Variants in CTNND2 observed in about 807,000 individuals in gnomAD.
The protein encoded by CTNND2 is catenin delta 2.
CTNND2 carries 22 observed loss-of-function variants against 144.4 expected under a neutral mutation model. The observed-to-expected ratio is 0.15, with a 90% CI of 0.11 to 0.22. The LOEUF (loss-of-function observed/expected upper bound fraction) is 0.22, where lower values mean the gene tolerates loss of function less well. Among genes scored for constraint, CTNND2 ranks in the 10% least tolerant of loss-of-function variants. The probability of loss-of-function intolerance (pLI) is 1.00; values close to 1 mark genes in which losing one functional copy is unlikely to be tolerated. For synonymous variants in CTNND2, 751 were observed against 695.6 expected, an observed-to-expected ratio of 1.08 and a Z score of -1.25; for missense variants, 1,353 against 1,618.8, an observed-to-expected ratio of 0.84 and a Z score of 2.82.
At position 11,558,395 on chromosome 5, in the gene CTNND2, T is replaced by G. The variant is rs750123611; in HGVS notation, c.287+6549A>C. On this transcript the variant is annotated intron_variant, in intron 3 of 21. Coordinates refer to ENST00000304623, the MANE Select transcript of CTNND2 (RefSeq NM_001332.4). ...GTGTGTGTGTGTGACACACAAGGTC[T>G]CACTCTGTTGCCCAGGCTGGAGTGC... 2.6e-4 allele frequency among the ~76,000 whole-genome samples: 39 copies of G among 147,930 alleles called. 1 individual carries two copies. Among genetic ancestry groups the G allele is most frequent in the Non-Finnish European group, 5.1e-4 (34 of 66,700 alleles).
At chr5:11,814,575 C>T (rs542417461) in intron 1 of CTNND2, among the ~76,000 whole-genome samples, 235 of 152,350 alleles carry the variant, frequency 1.5e-3, no homozygotes, top group African/African-American at 5.4e-3. Flanking sequence ...GTGAGTGGCT[C>T]CTGGCCAGCT....
At chr5:11,707,579 G>A in intron 2 of CTNND2, among the ~76,000 whole-genome samples, 1 of 152,164 alleles carries the variant, frequency 6.6e-6, no homozygotes, top group East Asian at 1.9e-4. Context: ...TAGGTGATGA[G>A]TGACAGTCCA....
At chr5:11,889,588 C>T (rs757383613) in intron 1 of CTNND2, among the ~76,000 whole-genome samples, 6 of 152,118 alleles carry the variant, frequency 3.9e-5, no homozygotes, top group Non-Finnish European at 5.9e-5. Flanking sequence ...AAAGGCACAG[C>T]TAATTTAAAT....
chr5:11,311,912 A>G (rs1174414837), intron 9 of CTNND2, among the ~76,000 whole-genome samples: 1 of 86,496 alleles, frequency 1.2e-5, no homozygotes, highest in Non-Finnish European at 2.6e-5. Flanking sequence ...CACACACTCC[A>G]CATACATCCT....
At position 10,980,755 on chromosome 5, in the gene CTNND2, T is replaced by C. The variant is rs552956031; in HGVS notation, c.3417+1018A>G. ...TGAGTTCATGTCCTTTGCAGGGACA[T>C]GGATGAAGCTGGAAACATCATTCTC... On this transcript the variant is annotated intron_variant, in intron 21 of 21. Transcript: ENST00000304623. 8.5e-4 allele frequency among the ~76,000 whole-genome samples: 130 copies of C among 152,244 alleles called. 1 individual carries two copies. Among genetic ancestry groups the C allele is most frequent in the African/African-American group, 3.1e-3 (127 of 41,522 alleles).
chr5:11,587,754 C>T (rs1778969061), intron 2 of CTNND2, among the ~76,000 whole-genome samples: 1 of 152,004 alleles, frequency 6.6e-6, no homozygotes, highest in South Asian at 2.1e-4. Flanking sequence ...TTTATAAATA[C>T]TAAAGAATCT....
intron 2 of CTNND2, among the ~76,000 whole-genome samples, chr5:11,680,429 A>C (rs1315031876): frequency 3.9e-5 from 6 of 152,094 alleles, no homozygotes; most frequent in Non-Finnish European, 8.8e-5. Context: ...TGACACATTT[A>C]GTGGAAAGAG....
In CTNND2 at chr5:11,061,336, A is replaced by G. The variant is rs147200612; in HGVS notation, c.2788+21360T>C. Among the ~76,000 whole-genome samples the G allele has an allele frequency of 6.3e-3, 967 of 152,316 alleles. 4 individuals carry two copies. The highest frequency in any genetic ancestry group is 0.027 in the South Asian group (131 of 4,812). ...CAACCAGCAGCCGGAGAGGACTTTT[A>G]GTAATAAACATCTGATCATGCTTTC... is the stretch of plus-strand genomic sequence containing the variant. On this transcript the variant is annotated intron_variant, in intron 16 of 21. Coordinates refer to ENST00000304623, the MANE Select transcript of CTNND2 (RefSeq NM_001332.4).
chr5:11,826,279 A>C (rs1431737578), intron 1 of CTNND2, among the ~76,000 whole-genome samples: 1 of 152,062 alleles, frequency 6.6e-6, no homozygotes, highest in Non-Finnish European at 1.5e-5. Context: ...TATAATTTGC[A>C]GTAGACATAG....
At chr5:11,499,186 C>A (rs1028133444) in intron 3 of CTNND2, among the ~76,000 whole-genome samples, 1 of 151,892 alleles carries the variant, frequency 6.6e-6, no homozygotes, top group East Asian at 1.9e-4. Flanking sequence ...AACTACCTGG[C>A]CAGAAAAAAT....
At chr5:11,730,979 CT>C (rs1448624397) in intron 2 of CTNND2, among the ~76,000 whole-genome samples, 3 of 152,242 alleles carry the variant, frequency 2.0e-5, no homozygotes, top group Non-Finnish European at 4.4e-5. Flanking sequence ...TTGGTGGTCC[CT>C]TTTTCCATTT....
intron 2 of CTNND2, among the ~76,000 whole-genome samples, chr5:11,594,448 G>T (rs1779409334): frequency 1.3e-5 from 2 of 152,128 alleles, no homozygotes; most frequent in South Asian, 2.1e-4. Flanking sequence ...ATGAAAACAG[G>T]AATATTATTT....
chr5:11,625,655 T>C (rs1781117813), intron 2 of CTNND2, among the ~76,000 whole-genome samples: 1 of 152,020 alleles, frequency 6.6e-6, no homozygotes, highest in Non-Finnish European at 1.5e-5. Context: ...CAAATAACAG[T>C]TGGAAAAATT....
intron 10 of CTNND2, among the ~76,000 whole-genome samples, chr5:11,206,301 GT>G (rs1738043197): frequency 6.6e-6 from 1 of 152,096 alleles, no homozygotes; most frequent in African/African-American, 2.4e-5. Flanking sequence ...CCTCAAAGCT[GT>G]TTTTTTCTGG....
At chr5:11,568,577 T>G (rs1777310452) in intron 2 of CTNND2, among the ~76,000 whole-genome samples, 2 of 152,226 alleles carry the variant, frequency 1.3e-5, no homozygotes, top group African/African-American at 4.8e-5. Flanking sequence ...AAAGACTGAC[T>G]GATTTTTCAA....
Position 10,988,342 on chromosome 5 carries a change from C to T in CTNND2, c.3212-100G>A, listed in dbSNP as rs544902698. ...CCTCACTATGCATGGTCCCGCATCT[C>T]AATGCCTACGTGAGGACCTGATGGG... is the stretch of plus-strand genomic sequence containing the variant. On this transcript the variant is annotated intron_variant, in intron 19 of 21. Coordinates refer to ENST00000304623, the MANE Select transcript of CTNND2 (RefSeq NM_001332.4). This position sits in a 1 kb window ranked among gnomAD's most constrained non-coding sequence, Gnocchi z 5.9. The T allele has an allele frequency of 4.5e-4, 640 of 1,437,298 alleles. 15 individuals are homozygous for T. The South Asian group carries it at 7.7e-3, about 17-fold the overall frequency. 89.0% of individuals were successfully genotyped at this position (1,437,298 alleles called of 1,614,324 possible).
intron 1 of CTNND2, among the ~76,000 whole-genome samples, chr5:11,812,139 G>C (rs779484499): frequency 4.6e-5 from 7 of 152,140 alleles, no homozygotes; most frequent in Non-Finnish European, 7.4e-5. Flanking sequence ...TAAAAGGAGA[G>C]AAATAAACCA....
At chr5:11,262,761 C>CAAAAAAAAAAAAAAAAAAAAA (rs11289676) in intron 9 of CTNND2, among the ~76,000 whole-genome samples, 30 of 45,690 alleles carry the variant, frequency 6.6e-4, no homozygotes, top group African/African-American at 1.5e-3. Context: ...GACTCTGTCT[C>CAAAAAAAAAAAAAAAAAAAAA]AAAAAAAAAA....
intron 8 of CTNND2, among the ~76,000 whole-genome samples, chr5:11,348,512 T>C (rs1755029064): frequency 6.6e-6 from 1 of 151,518 alleles, no homozygotes; most frequent in South Asian, 2.1e-4. Context: ...TTTTTTTCCA[T>C]TCAGAAAACT....
Sources: gnomAD v4.1 joint callset for allele counts (sites outside exome capture counted in the v4.1 genomes callset) on GRCh38, gnomAD v4.1.1 for gene constraint, Gnocchi (gnomAD v3.1) non-coding constraint, MANE v1.5 for transcripts, NCBI Gene and HGNC (gene_info 2026-07-23, HGNC 2026-07-21) for gene names.